PIGA: variants seen among roughly 807,000 people sequenced by gnomAD.
PIGA encodes phosphatidylinositol glycan anchor biosynthesis class A, also known as phosphatidylinositol N-acetylglucosaminyltransferase subunit A.
PIGA carries 3 observed loss-of-function variants against 17.1 expected under a neutral mutation model. The ratio of observed to expected loss-of-function variants is 0.18; its 90% CI spans 0.08 to 0.45. The LOEUF (loss-of-function observed/expected upper bound fraction) is 0.45, where lower values mean the gene tolerates loss of function less well. Ranked by LOEUF, PIGA falls within the 20% of genes least tolerant of loss-of-function variation. The probability of loss-of-function intolerance (pLI) is 0.99; values close to 1 mark genes in which losing one functional copy is unlikely to be tolerated. For missense variants in PIGA, 231 were observed against 374.1 expected, an observed-to-expected ratio of 0.62 and a Z score of 3.16; for synonymous variants, 126 against 135.1, an observed-to-expected ratio of 0.93 and a Z score of 0.47.
chrX:15,332,576 G>A (rs1167422851), intron 1 of PIGA, among the ~76,000 whole-genome samples: 4 of 112,395 alleles, frequency 3.6e-5, no homozygotes, highest in Non-Finnish European at 7.5e-5. Context: ...TAGCGGTCAT[G>A]TCTTCTGGTA....
At chrX:15,326,202 G>A in intron 2 of PIGA, 156 bp from the exon 3 acceptor site, 1 of 350,209 alleles carries the variant, frequency 2.9e-6, no homozygotes, top group Non-Finnish European at 4.9e-6. Flanking sequence ...GGAATTGTTT[G>A]CAAACTGGCA....
chrX:15,334,840 C>T (rs1449553525), intron 1 of PIGA, among the ~76,000 whole-genome samples: 1 of 112,338 alleles, frequency 8.9e-6, no homozygotes, highest in East Asian at 2.8e-4. Context: ...AATCTTAGCT[C>T]TTAAAGCCGA....
chrX:15,323,071 T>C (rs1021199731), intron 5 of PIGA, among the ~76,000 whole-genome samples: 4 of 111,926 alleles, frequency 3.6e-5, no homozygotes, highest in Non-Finnish European at 7.5e-5. Context: ...AAGTGTATTA[T>C]AAATCACCAT....
chrX:15,331,874 C>T lies in PIGA; in HGVS notation c.57G>A (p.Arg19=). 8.3e-7 allele frequency: 1 copy of T among 1,210,891 alleles called. No individual in the cohort carries two copies. The highest frequency in any genetic ancestry group is 2.2e-5 in the Admixed American group (1 of 46,010). The change falls in exon 2 of 6, where the codon CGG becomes CGA. Residue 19 remains arginine (R), a synonymous_variant. Transcript: ENST00000333590. Reference sequence around the variant, plus strand: ...ATGTGTAAAGACTTCCAGGGCTAACCCGAGAGAGTGTAGCTGAGGCACGGT... The same window carrying T: ...ATGTGTAAAGACTTCCAGGGCTAACTCGAGAGAGTGTAGCTGAGGCACGGT... The part of the protein sequence containing the change: ...NGHRASATLS[R]VSPGSLYTCR...
intron 1 of PIGA, among the ~76,000 whole-genome samples, chrX:15,333,432 G>A (rs1922226989): frequency 8.9e-6 from 1 of 112,182 alleles, no homozygotes; most frequent in Non-Finnish European, 1.9e-5. Flanking sequence ...TGTAATCCTA[G>A]CACTTTGGGA....
chrX:15,335,237 CA>C, intron 1 of PIGA: 1 of 294,320 alleles, frequency 3.4e-6, no homozygotes. Context: ...AGAAAACAAC[CA>C]AAGAGTGGAC....
At chrX:15,335,480 G>A (rs1922310675) in intron 1 of PIGA, 21 bp downstream of exon 1, 6 of 987,230 alleles carry the variant, frequency 6.1e-6, no homozygotes, top group Non-Finnish European at 5.1e-6. Context: ...GCTGGAGAGG[G>A]GCGGCGCGAC....
chrX:15,335,308 A>T, intron 1 of PIGA, 193 bp downstream of exon 1: 1 of 350,911 alleles, frequency 2.8e-6, no homozygotes, highest in Non-Finnish European at 4.6e-6. Context: ...GCCTGAGCCA[A>T]GGAACCCAGC....
intron 3 of PIGA, 61 bp downstream of exon 3, chrX:15,325,853 T>G: frequency 9.8e-7 from 1 of 1,021,712 alleles, no homozygotes; most frequent in Non-Finnish European, 1.3e-6. Context: ...CGCATGCAGT[T>G]AAAACCAAAT....
At position 15,320,540 on chromosome X, in the gene PIGA, G is replaced by A. The variant is rs1465310765; in HGVS notation, c.*966C>T. ...CTTACATTAAAAGGACAGGGTAGCA[G>A]CTGGTTTTGGGATGGCACACCTCGT... On this transcript the variant is annotated 3_prime_UTR_variant, in exon 6 of 6. Transcript: ENST00000333590. 2 of 112,290 alleles carry A rather than the reference G, an allele frequency of 1.8e-5. No individual in the cohort carries two copies. Among genetic ancestry groups the A allele is most frequent in the African/African-American group, 6.5e-5 (2 of 30,871 alleles). 9.3% of individuals were successfully genotyped at this position (112,290 alleles called of 1,213,427 possible).
rs143454545 is a variant in PIGA at position 15,325,704 on chromosome X, A to G, written c.848+210T>C. 1.1e-3 allele frequency: 293 copies of G among 266,191 alleles called. 4 individuals are homozygous for G. In the East Asian group the frequency reaches 0.017, roughly 15 times the overall value. 21.9% of individuals were successfully genotyped at this position (266,191 alleles called of 1,213,427 possible). A position where few individuals can be genotyped will look rare whatever the true frequency, so the allele number is the denominator to read the frequency against. Reference sequence around the variant, plus strand: ...CAACAATGGCCCCCCAAAGTCAAATAATATTGGGCTAATGGAAAAAATAGT... The same window carrying G: ...CAACAATGGCCCCCCAAAGTCAAATGATATTGGGCTAATGGAAAAAATAGT... On this transcript the variant is annotated intron_variant, in intron 3 of 5. Coordinates refer to ENST00000333590, the MANE Select transcript of PIGA (RefSeq NM_002641.4).
intron 1 of PIGA, among the ~76,000 whole-genome samples, chrX:15,332,757 T>C (rs900492948): frequency 9.0e-6 from 1 of 111,360 alleles, no homozygotes; most frequent in Admixed American, 9.5e-5. Flanking sequence ...TAAGCCAAAG[T>C]GTAAGGAATC....
At position 15,324,690 on chromosome X, in the gene PIGA, C is replaced by T. The variant is rs747894664; in HGVS notation, c.1163G>A (p.Arg388Lys). 1.7e-6 allele frequency: 2 copies of T among 1,202,497 alleles called. No individual in the cohort carries two copies. Among genetic ancestry groups the T allele is most frequent in the African/African-American group, 3.5e-5 (2 of 57,169 alleles). Residue 388 changes from arginine (R) to lysine (K), a missense_variant, in exon 5 of 6, where the codon AGG becomes AAG. By Grantham distance (26) the Arg-to-Lys change is conservative (BLOSUM62 2). Transcript: ENST00000333590. ...HNIVKTFYTW[R>K]NVAERTEKVY... ...CTTTTCAGTTCTTTCTGCAACATTCCTCCAGGTGTAGAAAGTCTTTACTAT... is the reference window on the plus strand; with the variant it reads ...CTTTTCAGTTCTTTCTGCAACATTCTTCCAGGTGTAGAAAGTCTTTACTAT...
chrX:15,334,247 G>A (rs966271751), intron 1 of PIGA, among the ~76,000 whole-genome samples: 6 of 96,441 alleles, frequency 6.2e-5, no homozygotes, highest in Non-Finnish European at 6.0e-5. Context: ...CTAGTGTGCA[G>A]TGGAGCGATC....
Position 15,325,092 on chromosome X carries a change from A to C in PIGA, c.909T>G (p.His303Gln), listed in dbSNP as rs1297363297. 1 of 1,206,782 alleles carries C rather than the reference A, an allele frequency of 8.3e-7. No individual in the cohort carries two copies. The highest frequency in any genetic ancestry group is 1.1e-6 in the Non-Finnish European group (1 of 892,354). Reference sequence around the variant, plus strand: ...CAGTAAGGGAGGTATTCAGAAAAATATGTCCTTGAACTAAGACATTTCTAA... The same window carrying C: ...CAGTAAGGGAGGTATTCAGAAAAATCTGTCCTTGAACTAAGACATTTCTAA... ...KDVRNVLVQG[H>Q]IFLNTSLTEA... The change falls in exon 4 of 6, where the codon CAT (histidine) becomes CAG (glutamine). Residue 303 changes from histidine to glutamine, a missense_variant. Around this residue, in one of 5 missense-constraint regions of PIGA, gnomAD observed 83 missense variants for 190.1 expected, o/e 0.44. Coordinates refer to ENST00000333590, the MANE Select transcript of PIGA (RefSeq NM_002641.4).
At chrX:15,334,480 G>C (rs915723792) in intron 1 of PIGA, among the ~76,000 whole-genome samples, 1 of 110,813 alleles carries the variant, frequency 9.0e-6, no homozygotes, top group African/African-American at 3.3e-5. Context: ...GTGAGCCACC[G>C]TGCCCGGCCT....
intron 2 of PIGA, 35 bp from the exon 3 acceptor site, chrX:15,326,081 T>C (rs932792162): frequency 1.0e-6 from 1 of 986,569 alleles, no homozygotes; most frequent in Non-Finnish European, 1.4e-6. Flanking sequence ...GAGATATTAA[T>C]ATTTAAACTT....
rs1277179160 is a variant in PIGA at position 15,319,861 on chromosome X, A to G, written c.*1645T>C. The G allele has an allele frequency of 1.8e-5, 2 of 112,597 alleles. No homozygotes were observed. The highest frequency in any genetic ancestry group is 3.8e-5 in the Non-Finnish European group (2 of 53,327). The allele number at this position is 112,597 out of a possible 1,213,427, so 9.3% of individuals were successfully genotyped here. ...CAATTTAAAAAAATTAAGCAAAAAT[A>G]TAAGGAAAAAATGGTGGCATGCCTC... On this transcript the variant is annotated 3_prime_UTR_variant, in exon 6 of 6. Coordinates refer to ENST00000333590, the MANE Select transcript of PIGA (RefSeq NM_002641.4).
intron 2 of PIGA, chrX:15,326,390 G>A (rs1031369538): frequency 8.7e-6 from 1 of 115,048 alleles, no homozygotes; most frequent in African/African-American, 3.2e-5. Context: ...TAAGGTTTGA[G>A]TTCGTTTTCT....
Sources: allele counts gnomAD v4.1 joint callset (sites outside exome capture counted in the v4.1 genomes callset), GRCh38; gene constraint gnomAD v4.1.1; regional missense constraint gnomAD v4.1.1; transcripts MANE v1.5; gene names NCBI Gene and HGNC (gene_info 2026-07-23, HGNC 2026-07-21).